Variants in MTHFS observed in about 807,000 individuals in gnomAD.
MTHFS encodes 5-formyltetrahydrofolate cyclo-ligase.
In MTHFS, 7 loss-of-function variants were observed where a neutral mutation model predicts 12.7. The observed-to-expected ratio is 0.55, with a 90% CI of 0.31 to 1.03. The LOEUF is 1.03. Ranked by LOEUF, MTHFS falls within the 50% of genes least tolerant of loss-of-function variation. MTHFS has a pLI of 0.05. For synonymous variants in MTHFS, 100 were observed against 97.1 expected, an observed-to-expected ratio of 1.03 and a Z score of -0.18; for missense variants, 252 against 258.1, an observed-to-expected ratio of 0.98 and a Z score of 0.16.
intron 2 of MTHFS, among the ~76,000 whole-genome samples, chr15:79,847,669 C>CAAAA (rs55956333): frequency 6.6e-5 from 5 of 75,392 alleles, no homozygotes; most frequent in Non-Finnish European, 1.1e-4. Context: ...GACTCCGTCT[C>CAAAA]AAAAAAAAAA....
At chr15:79,882,772 G>A (rs1273190748) in intron 2 of MTHFS, among the ~76,000 whole-genome samples, 6 of 152,212 alleles carry the variant, frequency 3.9e-5, no homozygotes, top group African/African-American at 1.4e-4. Flanking sequence ...CACAGTAACA[G>A]GCAGGTACAG....
At chr15:79,854,293 A>C (rs897721607) in intron 2 of MTHFS, among the ~76,000 whole-genome samples, 4 of 152,218 alleles carry the variant, frequency 2.6e-5, no homozygotes, top group Non-Finnish European at 5.9e-5. Context: ...GGGGTAGCTG[A>C]CTGTACCAAC....
chr15:79,889,482 G>T, intron 1 of MTHFS, 128 bp from the exon 2 acceptor site: 2 of 1,358,396 alleles, frequency 1.5e-6, no homozygotes, highest in Non-Finnish European at 1.9e-6. Context: ...AAAGGGGGGG[G>T]GACCAGAGTG....
At chr15:79,868,775 T>C (rs143725436) in intron 2 of MTHFS, among the ~76,000 whole-genome samples, 1 of 152,334 alleles carries the variant, frequency 6.6e-6, no homozygotes, top group Non-Finnish European at 1.5e-5. Context: ...CACCACTACC[T>C]TTCCTGGGTC....
chr15:79,848,099 G>A (rs2033651138), intron 2 of MTHFS, among the ~76,000 whole-genome samples: 1 of 152,176 alleles, frequency 6.6e-6, no homozygotes, highest in Non-Finnish European at 1.5e-5. Context: ...ATGGAAACAA[G>A]TATGCATCGA....
chr15:79,854,972 G>C (rs1214745552), intron 2 of MTHFS, among the ~76,000 whole-genome samples: 1 of 152,150 alleles, frequency 6.6e-6, no homozygotes, highest in Non-Finnish European at 1.5e-5. Flanking sequence ...ACTATAGCCT[G>C]CAAGTCAAAT....
At chr15:79,865,908 T>C (rs1158571824) in intron 2 of MTHFS, among the ~76,000 whole-genome samples, 1 of 152,178 alleles carries the variant, frequency 6.6e-6, no homozygotes, top group Non-Finnish European at 1.5e-5. Flanking sequence ...AACTATTCCC[T>C]TCTTTCTTCA....
intron 1 of MTHFS, among the ~76,000 whole-genome samples, chr15:79,894,155 C>T (rs2034524296): frequency 1.3e-5 from 2 of 152,102 alleles, no homozygotes; most frequent in Admixed American, 6.6e-5. Context: ...GAGGCAGAGG[C>T]GGGAAGATCA....
chr15:79,882,305 T>C (rs1349332114), intron 2 of MTHFS, among the ~76,000 whole-genome samples: 1 of 152,160 alleles, frequency 6.6e-6, no homozygotes, highest in Non-Finnish European at 1.5e-5. Flanking sequence ...GGACCAGTGG[T>C]GTTAGAGTCT....
In MTHFS at chr15:79,844,240, G is replaced by C. The variant is rs2033569334; in HGVS notation, c.*970C>G. 1 of 152,220 alleles carries C rather than the reference G, an allele frequency of 6.6e-6. No homozygotes were observed. Among genetic ancestry groups the C allele is most frequent in the Non-Finnish European group, 1.5e-5 (1 of 68,058 alleles). The allele number at this position is 152,220 out of a possible 1,614,324, so 9.4% of individuals were successfully genotyped here. On this transcript the variant is annotated 3_prime_UTR_variant, in exon 3 of 3. Coordinates refer to ENST00000258874, the MANE Select transcript of MTHFS (RefSeq NM_006441.4). ...TTGAGAAATAAACTGGAAGAGGCAAGATGGAAGCCAAGGGAAGCAGGTGTG... is the reference window on the plus strand; with the variant it reads ...TTGAGAAATAAACTGGAAGAGGCAACATGGAAGCCAAGGGAAGCAGGTGTG...
chr15:79,867,373 A>C (rs77872779), intron 2 of MTHFS, among the ~76,000 whole-genome samples: 1 of 134,376 alleles, frequency 7.4e-6, no homozygotes, highest in Non-Finnish European at 1.6e-5. Flanking sequence ...ATTACGTAGC[A>C]AAAAAAAAAA....
chr15:79,896,888 C>A lies in MTHFS; in HGVS notation c.101G>T (p.Arg34Leu), dbSNP rs200058464. 29,442 of 1,542,902 alleles carry A rather than the reference C, an allele frequency of 0.019. 343 individuals are homozygous for A. Among genetic ancestry groups the A allele is most frequent in the Non-Finnish European group, 0.022 (25,140 of 1,146,272 alleles). ...MSAEERLRQS[R>L]VLSQKVIAHS... ...GCCTCGCACCTTCTGGCTCAGTACG[C>A]GGGACTGGCGTAGCCGCTCCTCGGC... Residue 34 changes from arginine to leucine, a missense_variant, in exon 1 of 3, where the codon CGC becomes CTC. Physicochemically the swap from Arg to Leu is moderately radical, Grantham distance 102. Coordinates refer to ENST00000258874, the MANE Select transcript of MTHFS (RefSeq NM_006441.4).
chr15:79,856,997 C>CTT (rs558340769), intron 2 of MTHFS, among the ~76,000 whole-genome samples: 8 of 131,180 alleles, frequency 6.1e-5, no homozygotes, highest in Admixed American at 7.6e-5. Flanking sequence ...CGCAAAGTCA[C>CTT]TTTTTTTTTT....
chr15:79,890,950 G>A (rs1481044141), intron 1 of MTHFS, among the ~76,000 whole-genome samples: 1 of 152,206 alleles, frequency 6.6e-6, no homozygotes, highest in South Asian at 2.1e-4. Context: ...AGAAGATCGA[G>A]AGTTGAATAA....
At chr15:79,858,776 C>T (rs535907208) in intron 2 of MTHFS, among the ~76,000 whole-genome samples, 4 of 152,130 alleles carry the variant, frequency 2.6e-5, no homozygotes, top group Non-Finnish European at 5.9e-5. Context: ...ATCAAAGATG[C>T]AAGTTTCTTA....
At position 79,869,928 on chromosome 15, in the gene MTHFS, A is replaced by C. The variant is rs146152125; in HGVS notation, c.379+19165T>G. Among the ~76,000 whole-genome samples, 28 of 152,284 alleles carry C rather than the reference A, an allele frequency of 1.8e-4. No individual in the cohort carries two copies. The East Asian group carries it at 5.4e-3, about 29-fold the overall frequency. Reference sequence around the variant, plus strand: ...ATATATTACAGATCCAGAAGAACCAAAGTAACTATAATAATAATTTCAAAA... The same window carrying C: ...ATATATTACAGATCCAGAAGAACCACAGTAACTATAATAATAATTTCAAAA... On this transcript the variant is annotated intron_variant, in intron 2 of 2. Coordinates refer to ENST00000258874, the MANE Select transcript of MTHFS (RefSeq NM_006441.4).
rs1193080649 is a variant in MTHFS, at chr15:79,844,995, C to T, written c.*215G>A. ...AGGAAGTTAAGCTGAAAATCACAGG[C>T]TGATAGCCTCCATTTTAATTAATAT... On this transcript the variant is annotated 3_prime_UTR_variant, in exon 3 of 3. Coordinates refer to ENST00000258874, the MANE Select transcript of MTHFS (RefSeq NM_006441.4). 3 of 657,246 alleles carry T rather than the reference C, an allele frequency of 4.6e-6. No homozygotes were observed. Among genetic ancestry groups the T allele is most frequent in the Non-Finnish European group, 7.4e-6 (3 of 407,308 alleles). The allele number at this position is 657,246 out of a possible 1,614,324, so 40.7% of individuals were successfully genotyped here.
chr15:79,847,318 TG>T (rs2033636304), intron 2 of MTHFS, among the ~76,000 whole-genome samples: 1 of 151,742 alleles, frequency 6.6e-6, no homozygotes, highest in South Asian at 2.1e-4. Context: ...CATGGAGATT[TG>T]GGGTCAAAGG....
At chr15:79,866,678 C>T (rs968835170) in intron 2 of MTHFS, among the ~76,000 whole-genome samples, 7 of 152,158 alleles carry the variant, frequency 4.6e-5, no homozygotes, top group South Asian at 4.1e-4. Context: ...TGGCCAGGCA[C>T]GGTGGCTCAC....
Sources: allele counts gnomAD v4.1 joint callset (sites outside exome capture counted in the v4.1 genomes callset), GRCh38; gene constraint gnomAD v4.1.1; transcripts MANE v1.5; gene names NCBI Gene and HGNC (gene_info 2026-07-23, HGNC 2026-07-21).